The following RYR3 variants were observed in gnomAD, a reference collection of about 807,000 sequenced individuals.
RYR3 encodes ryanodine receptor 3, also known as brain ryanodine receptor-calcium release channel.
A neutral mutation model predicts 584.3 loss-of-function variants in RYR3; 207 were observed. That is an observed-to-expected ratio of 0.35 (90% CI 0.32 to 0.40). RYR3 has a LOEUF of 0.40. RYR3 is among the 10% of genes least tolerant of loss of function. The pLI is 1.00. For missense variants in RYR3, 5,616 were observed against 6,089.2 expected (o/e 0.92, Z 2.59); for synonymous variants, 2,416 against 2,248.5 (o/e 1.07, Z -2.11).
rs1158030758 is a variant in RYR3, at chr15:33,662,319, T to C, written c.4789T>C (p.Tyr1597His). 1.2e-6 allele frequency: 2 copies of C among 1,611,888 alleles called. No individual in the cohort carries two copies. Among genetic ancestry groups the C allele is most frequent in the Admixed American group, 3.3e-5 (2 of 59,724 alleles). ...GCTCTTCTATGCCATTGACAACAAGTACCTCCCCGGCCTCCTTCGATCTGG... is the reference window on the plus strand; with the variant it reads ...GCTCTTCTATGCCATTGACAACAAGCACCTCCCCGGCCTCCTTCGATCTGG... ...SQLFYAIDNK[Y>H]LPGLLRSGFY... Residue 1597 changes from tyrosine to histidine, a missense_variant, in exon 35 of 104, where the codon TAC becomes CAC. Tyr to His is a moderately conservative substitution (Grantham distance 83). This residue lies in a region of RYR3 where 753 missense variants were observed against 741.0 expected (regional missense o/e 1.02). Coordinates refer to ENST00000634891, the MANE Select transcript of RYR3 (RefSeq NM_001036.6).
chr15:33,398,616 T>C (rs1433303858), intron 1 of RYR3, among the ~76,000 whole-genome samples: 1 of 152,204 alleles, frequency 6.6e-6, no homozygotes, highest in Non-Finnish European at 1.5e-5. Context: ...AGTTTTGTTT[T>C]GGAGAGGAAT....
chr15:33,379,017 T>C (rs968899668), intron 1 of RYR3, among the ~76,000 whole-genome samples: 4 of 152,172 alleles, frequency 2.6e-5, no homozygotes, highest in South Asian at 2.1e-4. Context: ...GAAAATCTTA[T>C]CTATGTTACC....
In RYR3 at chr15:33,696,808, C is replaced by T. The variant is rs148093732; in HGVS notation, c.6134+317C>T. Among the ~76,000 whole-genome samples the T allele has an allele frequency of 3.5e-4, 53 of 152,278 alleles. 1 individual carries two copies. The East Asian group carries it at 9.5e-3, about 27-fold the overall frequency. On this transcript the variant is annotated intron_variant, in intron 39 of 103. Coordinates refer to ENST00000634891, the MANE Select transcript of RYR3 (RefSeq NM_001036.6). Reference sequence around the variant, plus strand: ...GTGTTCAACCCAAGACAGAAATGATCTGAGCACCTGAGCTTTTGACTCGAA... The same window carrying T: ...GTGTTCAACCCAAGACAGAAATGATTTGAGCACCTGAGCTTTTGACTCGAA...
intron 2 of RYR3, among the ~76,000 whole-genome samples, chr15:33,490,760 GAGTC>G (rs1284875396): frequency 3.5e-5 from 4 of 113,654 alleles, no homozygotes; most frequent in Non-Finnish European, 7.9e-5. Context: ...AAAAAAAAAA[GAGTC>G]AAGAAAGATG....
chr15:33,746,316 T>G (rs2070710778), intron 53 of RYR3, among the ~76,000 whole-genome samples, 159 bp downstream of exon 53: 1 of 152,216 alleles, frequency 6.6e-6, no homozygotes, highest in African/African-American at 2.4e-5. Flanking sequence ...GGCAAGTGCC[T>G]CAGGACCAGT....
At chr15:33,669,161 C>T (rs1252218576) in intron 36 of RYR3, among the ~76,000 whole-genome samples, 193 bp from the exon 37 acceptor site, 1 of 147,510 alleles carries the variant, frequency 6.8e-6, no homozygotes. Context: ...AAATGTTATA[C>T]AATTAATAAG....
At chr15:33,432,668 T>TGTGTG (rs113646851) in intron 1 of RYR3, among the ~76,000 whole-genome samples, 41 of 132,192 alleles carry the variant, frequency 3.1e-4, no homozygotes, top group African/African-American at 9.2e-4. Context: ...GCCTAGCTAA[T>TGTGTG]TGTGTGTGTG....
chr15:33,859,994 C>G (rs1471113862), intron 100 of RYR3, among the ~76,000 whole-genome samples: 1 of 152,172 alleles, frequency 6.6e-6, no homozygotes. Context: ...ATTTACTCCT[C>G]ACTTCTGCTT....
chr15:33,758,345 C>G (rs910473026), intron 60 of RYR3, among the ~76,000 whole-genome samples: 5 of 152,174 alleles, frequency 3.3e-5, no homozygotes, highest in African/African-American at 7.2e-5. Flanking sequence ...AGTAGACTTG[C>G]TCAGCGGATC....
intron 27 of RYR3, among the ~76,000 whole-genome samples, chr15:33,638,094 C>T (rs992181885): frequency 6.6e-6 from 1 of 152,152 alleles, no homozygotes; most frequent in Non-Finnish European, 1.5e-5. Context: ...CCTAAAAAGA[C>T]AAATGACTAA....
intron 16 of RYR3, among the ~76,000 whole-genome samples, chr15:33,588,360 GCT>G (rs1331471613): frequency 2.6e-5 from 4 of 152,118 alleles, no homozygotes; most frequent in African/African-American, 9.7e-5. Flanking sequence ...GAATCCAAAT[GCT>G]CTGTGAGAAT....
At chr15:33,697,183 A>T (rs1394632230) in intron 39 of RYR3, among the ~76,000 whole-genome samples, 2 of 152,180 alleles carry the variant, frequency 1.3e-5, no homozygotes, top group Admixed American at 6.5e-5. Context: ...ATACCAAAGG[A>T]GCATCACCAA....
chr15:33,699,259 C>A (rs2339300), intron 40 of RYR3, among the ~76,000 whole-genome samples: 3 of 109,984 alleles, frequency 2.7e-5, no homozygotes, highest in East Asian at 3.5e-4. Context: ...TCTCTCCCCC[C>A]CTTTCTCTCT....
intron 1 of RYR3, among the ~76,000 whole-genome samples, chr15:33,333,066 CAAAAAAAAAAAA>C (rs1195937254): frequency 3.9e-4 from 22 of 55,736 alleles, no homozygotes; most frequent in African/African-American, 1.4e-3. Flanking sequence ...GCCTACCAAC[CAAAAAAAAAAAA>C]AAAAAAAAAA....
chr15:33,347,074 C>A (rs1355874102), intron 1 of RYR3, among the ~76,000 whole-genome samples: 1 of 152,134 alleles, frequency 6.6e-6, no homozygotes, highest in Non-Finnish European at 1.5e-5. Context: ...CATGTCATAT[C>A]ATGGGTCCAT....
intron 33 of RYR3, 53 bp downstream of exon 33, chr15:33,659,859 C>T (rs559995178): frequency 8.1e-7 from 1 of 1,229,478 alleles, no homozygotes; most frequent in Admixed American, 1.8e-5. Context: ...GCAGCACTAA[C>T]CATTAGGGGG....
chr15:33,754,897 G>T (rs2071665664), intron 57 of RYR3, among the ~76,000 whole-genome samples, 168 bp from the exon 58 acceptor site: 1 of 152,156 alleles, frequency 6.6e-6, no homozygotes, highest in Non-Finnish European at 1.5e-5. Flanking sequence ...TGCTCACATA[G>T]GTAGGTTCCA....
intron 60 of RYR3, among the ~76,000 whole-genome samples, chr15:33,764,386 A>G (rs1029785049): frequency 2.0e-5 from 3 of 152,132 alleles, no homozygotes; most frequent in African/African-American, 7.2e-5. Context: ...ATGAGAACAC[A>G]TAGACACAGA....
Position 33,311,016 on chromosome 15 carries a change from G to T in RYR3, c.-30G>T. 1 of 1,563,568 alleles carries T rather than the reference G, an allele frequency of 6.4e-7. No individual in the cohort carries two copies. Among genetic ancestry groups the T allele is most frequent in the Admixed American group, 1.8e-5 (1 of 55,088 alleles). Reference sequence around the variant, plus strand: ...TGCCGGGGGAAGCAGAGGCGCCGGAGGCTGGGGCACCGCCGACGCCTCGGG... The same window carrying T: ...TGCCGGGGGAAGCAGAGGCGCCGGATGCTGGGGCACCGCCGACGCCTCGGG... On this transcript the variant is annotated 5_prime_UTR_variant, in exon 1 of 104. The change creates a new upstream start codon in the 5' untranslated region. Coordinates refer to ENST00000634891, the MANE Select transcript of RYR3 (RefSeq NM_001036.6). The surrounding 1 kb of genome is among the most constrained non-coding windows in gnomAD (Gnocchi z 4.4).
Sources: gnomAD v4.1 joint callset for allele counts (sites outside exome capture counted in the v4.1 genomes callset) on GRCh38, gnomAD v4.1.1 for gene constraint, gnomAD v4.1.1 regional missense constraint, Gnocchi (gnomAD v3.1) non-coding constraint, MANE v1.5 for transcripts, NCBI Gene and HGNC (gene_info 2026-07-23, HGNC 2026-07-21) for gene names.